Variants in DLC1 observed in about 807,000 individuals in gnomAD.
The protein encoded by DLC1 is DLC1 Rho GTPase activating protein.
Under a neutral mutation model 140.3 loss-of-function variants are expected in DLC1, and 54 were observed. The ratio of observed to expected loss-of-function variants is 0.38; its 90% CI spans 0.31 to 0.48. The LOEUF (loss-of-function observed/expected upper bound fraction) is 0.48. Among genes scored for constraint, DLC1 ranks in the 20% least tolerant of loss-of-function variants. The pLI is 0.96. For synonymous variants in DLC1, 986 were observed against 728.1 expected (o/e 1.35, Z -5.70); for missense variants, 2,536 against 1,907.0 (o/e 1.33, Z -6.14).
At chr8:13,578,000 C>G (rs144686270) in intron 1 of DLC1, among the ~76,000 whole-genome samples, 4 of 146,140 alleles carry the variant, frequency 2.7e-5, no homozygotes, top group African/African-American at 1.0e-4. Context: ...GGATCAGGTT[C>G]TATAGAAATA....
chr8:13,520,448 G>A (rs962089455), intron 1 of DLC1, among the ~76,000 whole-genome samples: 3 of 151,906 alleles, frequency 2.0e-5, no homozygotes, highest in Admixed American at 1.3e-4. Flanking sequence ...ACAGGGAGGG[G>A]AACATCACAC....
chr8:13,583,301 C>T (rs113389804), intron 1 of DLC1, among the ~76,000 whole-genome samples: 6 of 152,242 alleles, frequency 3.9e-5, no homozygotes, highest in African/African-American at 1.2e-4. Flanking sequence ...ATTCCAAATC[C>T]ATTGGTGTCA....
Position 13,400,703 on chromosome 8 carries a change from A to G in DLC1, c.1173+767T>C, listed in dbSNP as rs1429492319. On this transcript the variant is annotated intron_variant, in intron 3 of 17. Coordinates refer to ENST00000276297, the MANE Select transcript of DLC1 (RefSeq NM_182643.3). ...AGGTAAATACAAATTTCTTGACTTA[A>G]TATGTTTATTATTGAATAACACAAA... Among the ~76,000 whole-genome samples, 5 of 152,292 alleles carry G rather than the reference A, an allele frequency of 3.3e-5. No homozygotes were observed. In the East Asian group the frequency reaches 9.6e-4, roughly 29 times the overall value.
rs75639138 is a variant in DLC1 at position 13,262,056 on chromosome 8, T to A, written c.1348+43213A>T. 1.7e-3 allele frequency among the ~76,000 whole-genome samples: 256 copies of A among 152,306 alleles called. 2 individuals carry two copies. The East Asian group carries it at 0.027, about 16-fold the overall frequency. ...TCAGCTTAAAAACCCTTGTTATATT[T>A]TCTTCTTTGACCCCTCTCTTGGGGT... On this transcript the variant is annotated intron_variant, in intron 5 of 17. Transcript: ENST00000276297.
chr8:13,503,730 C>A (rs992275072), intron 1 of DLC1, among the ~76,000 whole-genome samples: 1 of 152,192 alleles, frequency 6.6e-6, no homozygotes, highest in East Asian at 1.9e-4. Flanking sequence ...CAGTGAGTGG[C>A]AGAAACTTGT....
rs1563359633 is a variant in DLC1, at chr8:13,453,415, T to TATATATATATATATGTGTATATATATAC, written c.1023+45633_1023+45634insGTATATATATACACATATATATATATAT. 1.1e-3 allele frequency among the ~76,000 whole-genome samples: 58 copies of TATATATATATATATGTGTATATATATAC among 52,092 alleles called. No homozygotes were observed. The South Asian group carries it at 0.014, about 12-fold the overall frequency. 34.2% of individuals were successfully genotyped at this position (52,092 alleles called of 152,430 possible). On this transcript the variant is annotated intron_variant, in intron 2 of 17. Transcript: ENST00000276297. ...ATATATATATATGTGTATATATATA[T>TATATATATATATATGTGTATATATATAC]ATATATATGTGTATATATATATGTA...
chr8:13,373,378 A>T (rs181292926), intron 4 of DLC1, among the ~76,000 whole-genome samples: 29 of 152,240 alleles, frequency 1.9e-4, no homozygotes, highest in African/African-American at 7.0e-4. Context: ...TGGATACTTG[A>T]TTATAAATCA....
At chr8:13,255,404 C>T (rs779692059) in intron 5 of DLC1, among the ~76,000 whole-genome samples, 4 of 152,156 alleles carry the variant, frequency 2.6e-5, no homozygotes, top group Admixed American at 6.5e-5. Context: ...AAAGGAACTC[C>T]ATAAATGACA....
intron 1 of DLC1, among the ~76,000 whole-genome samples, chr8:13,548,594 G>T (rs931457229): frequency 2.0e-5 from 3 of 152,046 alleles, no homozygotes; most frequent in Non-Finnish European, 4.4e-5. Context: ...TTGTTAAGAG[G>T]TGGGACCTTT....
chr8:13,538,692 G>C (rs1384749184), intron 1 of DLC1, among the ~76,000 whole-genome samples: 1 of 152,166 alleles, frequency 6.6e-6, no homozygotes, highest in Non-Finnish European at 1.5e-5. Context: ...TACAGATGGA[G>C]AAACAGATGG....
chr8:13,184,727 C>G (rs1826245884), intron 5 of DLC1, among the ~76,000 whole-genome samples: 2 of 152,070 alleles, frequency 1.3e-5, no homozygotes, highest in African/African-American at 4.8e-5. Context: ...TTTATGTGGT[C>G]AATTTTAGAA....
At chr8:13,438,516 C>T (rs1030530405) in intron 2 of DLC1, among the ~76,000 whole-genome samples, 1 of 152,100 alleles carries the variant, frequency 6.6e-6, no homozygotes, top group Admixed American at 6.6e-5. Context: ...TCCTATCACC[C>T]CAAATCCTGA....
intron 5 of DLC1, among the ~76,000 whole-genome samples, chr8:13,145,456 T>C (rs1823351746): frequency 6.6e-6 from 1 of 152,208 alleles, no homozygotes; most frequent in Non-Finnish European, 1.5e-5. Flanking sequence ...CTACAACTTC[T>C]TAAGAAAAAT....
chr8:13,214,558 T>G, intron 5 of DLC1: 1 of 149,768 alleles, frequency 6.7e-6, no homozygotes, highest in Non-Finnish European at 1.3e-5. Flanking sequence ...CAACCCCACC[T>G]TTTTTTTTTT....
intron 1 of DLC1, among the ~76,000 whole-genome samples, chr8:13,576,739 T>G (rs183904584): frequency 9.2e-5 from 14 of 152,270 alleles, no homozygotes; most frequent in Non-Finnish European, 4.4e-5. Context: ...TAGGGTATGA[T>G]CAGTACAATG....
Position 13,085,639 on chromosome 8 carries a change from A to G in DLC1, c.*172T>C. 4 of 1,014,436 alleles carry G rather than the reference A, an allele frequency of 3.9e-6. No homozygotes were observed. Among genetic ancestry groups the G allele is most frequent in the Non-Finnish European group, 2.8e-6 (2 of 725,254 alleles). The allele number at this position is 1,014,436 out of a possible 1,614,324, so 62.8% of individuals were successfully genotyped here. A position where few individuals can be genotyped will look rare whatever the true frequency, so the allele number is the denominator to read the frequency against. ...TCAAGGTCTATGAATACAGACCCTCAACAAACAGGAAGCAGCTTTAAAAAT... is the reference window on the plus strand; with the variant it reads ...TCAAGGTCTATGAATACAGACCCTCGACAAACAGGAAGCAGCTTTAAAAAT... On this transcript the variant is annotated 3_prime_UTR_variant, in exon 18 of 18. Coordinates refer to ENST00000276297, the MANE Select transcript of DLC1 (RefSeq NM_182643.3).
At chr8:13,544,818 A>G (rs920926030) in intron 1 of DLC1, among the ~76,000 whole-genome samples, 1 of 152,200 alleles carries the variant, frequency 6.6e-6, no homozygotes. Context: ...TTCTTTTGGG[A>G]AATTCACTTC....
intron 4 of DLC1, among the ~76,000 whole-genome samples, chr8:13,323,395 T>A (rs1403945172): frequency 6.6e-6 from 1 of 152,200 alleles, no homozygotes; most frequent in African/African-American, 2.4e-5. Flanking sequence ...AATATAAAAA[T>A]TAAAAATTTC....
At chr8:13,440,640 A>G (rs1585111920) in intron 2 of DLC1, among the ~76,000 whole-genome samples, 1 of 152,010 alleles carries the variant, frequency 6.6e-6, no homozygotes, top group Admixed American at 6.6e-5. Context: ...GTCACCACCC[A>G]AATCTCAACT....
Sources: gnomAD v4.1 joint callset for allele counts (sites outside exome capture counted in the v4.1 genomes callset) on GRCh38, gnomAD v4.1.1 for gene constraint, MANE v1.5 for transcripts, NCBI Gene and HGNC (gene_info 2026-07-23, HGNC 2026-07-21) for gene names.